VAV3: variants seen among roughly 807,000 people sequenced by gnomAD.
VAV3 encodes guanine nucleotide exchange factor VAV3.
Under a neutral mutation model 131.2 loss-of-function variants are expected in VAV3, and 94 were observed. That is an observed-to-expected ratio of 0.72 (90% CI 0.61 to 0.85). VAV3 has a LOEUF of 0.85. Ranked by LOEUF, VAV3 falls within the 40% of genes least tolerant of loss-of-function variation. The probability of loss-of-function intolerance (pLI) is 0.00; values close to 1 mark genes in which losing one functional copy is unlikely to be tolerated. For missense variants in VAV3, 939 were observed against 1,002.7 expected, an observed-to-expected ratio of 0.94 and a Z score of 0.86; for synonymous variants, 349 against 342.0, an observed-to-expected ratio of 1.02 and a Z score of -0.22.
intron 15 of VAV3, among the ~76,000 whole-genome samples, chr1:107,729,349 G>T (rs763076445): frequency 1.3e-5 from 2 of 152,154 alleles, no homozygotes; most frequent in Non-Finnish European, 2.9e-5. Flanking sequence ...TTTGGTATAT[G>T]ATAATAGATG....
At chr1:107,596,142 A>G in intron 25 of VAV3, 70 bp downstream of exon 25, 1 of 1,555,460 alleles carries the variant, frequency 6.4e-7, no homozygotes, top group South Asian at 1.2e-5. Context: ...TTTGGAAGGA[A>G]GATGTTTAAT....
chr1:107,793,929 T>C (rs752648303), intron 2 of VAV3, among the ~76,000 whole-genome samples: 3 of 152,252 alleles, frequency 2.0e-5, no homozygotes, highest in Non-Finnish European at 4.4e-5. Flanking sequence ...TCCACTTGAC[T>C]TGCGTACTGC....
chr1:107,589,762 G>T (rs1040978739), intron 25 of VAV3, among the ~76,000 whole-genome samples: 1 of 152,124 alleles, frequency 6.6e-6, no homozygotes, highest in Non-Finnish European at 1.5e-5. Flanking sequence ...GGTGAATATG[G>T]GAATGCTGAA....
chr1:107,937,694 C>G (rs1673790516), intron 1 of VAV3, among the ~76,000 whole-genome samples: 1 of 152,150 alleles, frequency 6.6e-6, no homozygotes, highest in African/African-American at 2.4e-5. Flanking sequence ...AAGTTAATCA[C>G]AAGGTTTCTA....
At chr1:107,722,840 C>CTCTCTTTTTTTTTT (rs371987024) in intron 15 of VAV3, among the ~76,000 whole-genome samples, 1 of 129,812 alleles carries the variant, frequency 7.7e-6, no homozygotes, top group Non-Finnish European at 1.6e-5. Flanking sequence ...ATTATCCTCT[C>CTCTCTTTTTTTTTT]TTTTTTTTTT....
At chr1:107,886,198 GAC>G (rs1671028406) in intron 1 of VAV3, among the ~76,000 whole-genome samples, 1 of 152,160 alleles carries the variant, frequency 6.6e-6, no homozygotes, top group Non-Finnish European at 1.5e-5. Context: ...TTACAATATT[GAC>G]ATATGTCCCA....
At chr1:107,790,482 G>A (rs959400134) in intron 2 of VAV3, among the ~76,000 whole-genome samples, 1 of 152,318 alleles carries the variant, frequency 6.6e-6, no homozygotes, top group Non-Finnish European at 1.5e-5. Flanking sequence ...GGGTTACAGA[G>A]GAATGGCACA....
chr1:107,868,138 G>A (rs1329606148), intron 2 of VAV3, among the ~76,000 whole-genome samples: 2 of 152,034 alleles, frequency 1.3e-5, no homozygotes, highest in Non-Finnish European at 2.9e-5. Context: ...GCTCCTGTGG[G>A]GCTTTGAAGC....
chr1:107,688,530 T>C (rs1659194720), intron 17 of VAV3, 124 bp from the exon 18 acceptor site: 7 of 1,547,658 alleles, frequency 4.5e-6, no homozygotes, highest in African/African-American at 1.4e-5. Context: ...ACCTGTAATA[T>C]ATTTCCACGG....
chr1:107,602,728 A>G (rs1423021219), intron 23 of VAV3, among the ~76,000 whole-genome samples: 1 of 152,164 alleles, frequency 6.6e-6, no homozygotes, highest in Non-Finnish European at 1.5e-5. Context: ...ACAATTTATT[A>G]AGTTCAGTTT....
At chr1:107,650,512 A>G (rs549915966) in intron 19 of VAV3, among the ~76,000 whole-genome samples, 16 of 151,528 alleles carry the variant, frequency 1.1e-4, no homozygotes, top group African/African-American at 3.1e-4. Flanking sequence ...TGGTATTAGG[A>G]GGTGGAGCCT....
chr1:107,876,604 T>C (rs1476836873), intron 1 of VAV3, among the ~76,000 whole-genome samples: 1 of 152,040 alleles, frequency 6.6e-6, no homozygotes, highest in Non-Finnish European at 1.5e-5. Context: ...GGTCAACTCA[T>C]CCACACTATA....
intron 1 of VAV3, among the ~76,000 whole-genome samples, chr1:107,892,596 C>T (rs949743117): frequency 3.3e-5 from 3 of 91,108 alleles, no homozygotes; most frequent in African/African-American, 1.6e-4. Context: ...TGAATTTAGG[C>T]AAAAACCAAA....
At chr1:107,648,123 A>G (rs1655875622) in intron 19 of VAV3, among the ~76,000 whole-genome samples, 1 of 152,032 alleles carries the variant, frequency 6.6e-6, no homozygotes, top group Admixed American at 6.6e-5. Context: ...ACTCCCCATC[A>G]ATAATTTTTA....
At chr1:107,716,684 T>C (rs1017615356) in intron 15 of VAV3, among the ~76,000 whole-genome samples, 37 of 152,302 alleles carry the variant, frequency 2.4e-4, no homozygotes, top group African/African-American at 8.7e-4. Context: ...GGGATATTGG[T>C]CTAAAATTCT....
At chr1:107,880,590 G>A (rs1160249036) in intron 1 of VAV3, among the ~76,000 whole-genome samples, 1 of 152,160 alleles carries the variant, frequency 6.6e-6, no homozygotes, top group Non-Finnish European at 1.5e-5. Context: ...GAGGTCAGGA[G>A]CTCGAGACCA....
intron 1 of VAV3, among the ~76,000 whole-genome samples, chr1:107,913,826 CA>C (rs1672483970): frequency 6.6e-6 from 1 of 152,124 alleles, no homozygotes; most frequent in African/African-American, 2.4e-5. Context: ...GGTGGAGTCT[CA>C]CTCTGTTGCC....
intron 1 of VAV3, among the ~76,000 whole-genome samples, chr1:107,954,454 T>G (rs1279581861): frequency 6.6e-6 from 1 of 152,098 alleles, no homozygotes; most frequent in Non-Finnish European, 1.5e-5. Context: ...TATATACCTG[T>G]CAAAAGTCTA....
At chr1:107,891,622 T>G (rs1206371635) in intron 1 of VAV3, among the ~76,000 whole-genome samples, 1 of 151,924 alleles carries the variant, frequency 6.6e-6, no homozygotes, top group African/African-American at 2.4e-5. Flanking sequence ...GTGGATCACC[T>G]GAGGTCAGGA....
Sources: gnomAD v4.1 joint callset for allele counts (sites outside exome capture counted in the v4.1 genomes callset) on GRCh38, gnomAD v4.1.1 for gene constraint, MANE v1.5 for transcripts, NCBI Gene and HGNC (gene_info 2026-07-23, HGNC 2026-07-21) for gene names.